Variants in ANK3 observed in about 807,000 individuals in gnomAD.
The protein encoded by ANK3 is ankyrin-3.
ANK3 carries 57 observed loss-of-function variants against 370.9 expected under a neutral mutation model. The observed-to-expected ratio is 0.15, with a 90% CI of 0.12 to 0.19. The LOEUF (loss-of-function observed/expected upper bound fraction) is 0.19, where lower values mean the gene tolerates loss of function less well. Ranked by LOEUF, ANK3 falls within the 10% of genes least tolerant of loss-of-function variation. ANK3 has a pLI of 1.00. For missense variants in ANK3, 4,439 were observed against 5,302.1 expected (o/e 0.84, Z 5.06); for synonymous variants, 1,929 against 1,946.3 (o/e 0.99, Z 0.23).
At chr10:60,718,360 T>C (rs1379915668) in intron 1 of ANK3, among the ~76,000 whole-genome samples, 1 of 152,134 alleles carries the variant, frequency 6.6e-6, no homozygotes, top group Non-Finnish European at 1.5e-5. Context: ...CATTTAAACT[T>C]TACAGGCAAA....
At position 60,268,759 on chromosome 10, in the gene ANK3, CA is replaced by C. The variant is rs201519637; in HGVS notation, c.513+1371del. 4.8e-3 allele frequency among the ~76,000 whole-genome samples: 732 copies of C among 152,158 alleles called. 8 individuals are homozygous for C. The highest frequency in any genetic ancestry group is 0.03 in the East Asian group (157 of 5,182). Reference sequence around the variant, plus strand: ...TGTTCTGTAAAAGTGTTGTAACCAACAATCAATTTCACCAGTATTGTAGGAA... The same window carrying C: ...TGTTCTGTAAAAGTGTTGTAACCAACATCAATTTCACCAGTATTGTAGGAA... On this transcript the variant is annotated intron_variant, in intron 5 of 43. Transcript: ENST00000280772.
intron 2 of ANK3, among the ~76,000 whole-genome samples, chr10:60,550,940 T>C (rs895588672): frequency 6.6e-6 from 1 of 152,104 alleles, no homozygotes; most frequent in Non-Finnish European, 1.5e-5. Flanking sequence ...GAGGCTTCCA[T>C]CACTTCAATA....
intron 7 of ANK3, among the ~76,000 whole-genome samples, chr10:60,241,681 A>G (rs756295160): frequency 1.1e-4 from 16 of 152,098 alleles, no homozygotes; most frequent in Non-Finnish European, 1.6e-4. Flanking sequence ...CTTTCCCATC[A>G]AACTACTCAA....
At chr10:60,108,245 C>A in intron 27 of ANK3, 1 of 434,506 alleles carries the variant, frequency 2.3e-6, no homozygotes. Context: ...CAAGCTCTCA[C>A]CCTCATTTAC....
At chr10:60,293,482 G>A (rs895663315) in intron 1 of ANK3, among the ~76,000 whole-genome samples, 3 of 152,142 alleles carry the variant, frequency 2.0e-5, no homozygotes, top group African/African-American at 4.8e-5. Context: ...AGTGGTCACC[G>A]TATCATCTCT....
chr10:60,611,318 G>T (rs74155621), intron 2 of ANK3, among the ~76,000 whole-genome samples: 2,305 of 152,186 alleles, frequency 0.015, 62 homozygotes, highest in African/African-American at 0.053. Flanking sequence ...ACACCTGGCC[G>T]CCCGCTGGCT....
At chr10:60,122,893 A>G (rs1275251656) in intron 25 of ANK3, among the ~76,000 whole-genome samples, 2 of 152,212 alleles carry the variant, frequency 1.3e-5, no homozygotes, top group African/African-American at 2.4e-5. Context: ...CCATTCAAGA[A>G]TGCATCTTAT....
chr10:60,055,605 AG>A, intron 42 of ANK3, 52 bp downstream of exon 42: 1 of 1,527,096 alleles, frequency 6.5e-7, no homozygotes, highest in South Asian at 1.3e-5. Flanking sequence ...AAAGAAGTAA[AG>A]CACCGATACT....
chr10:60,399,733 T>C (rs2063316872), intron 2 of ANK3, among the ~76,000 whole-genome samples: 2 of 152,200 alleles, frequency 1.3e-5, no homozygotes, highest in South Asian at 4.1e-4. Flanking sequence ...AATCAGTATC[T>C]AGGTTTTGCT....
Position 60,280,443 on chromosome 10 carries a change from GAGC to G in ANK3, c.115-807_115-805del, listed in dbSNP as rs531730283. On this transcript the variant is annotated intron_variant, in intron 1 of 43. Transcript: ENST00000280772. The stretch of plus-strand genomic sequence containing the variant: ...TCCTACAGTACATAGCCATATGTAG[GAGC>G]AGCAGCAGAAAGAAATACATATACA... 4.3e-4 allele frequency among the ~76,000 whole-genome samples: 65 copies of G among 152,280 alleles called. 1 individual carries two copies. The highest frequency in any genetic ancestry group is 3.5e-3 in the South Asian group (17 of 4,822).
chr10:60,035,315 C>G (rs1442544621), intron 43 of ANK3, among the ~76,000 whole-genome samples: 1 of 152,068 alleles, frequency 6.6e-6, no homozygotes, highest in Admixed American at 6.5e-5. Flanking sequence ...GTGGTACGAT[C>G]TTGGCTTGCT....
At chr10:60,150,273 G>T (rs189546078) in intron 23 of ANK3, among the ~76,000 whole-genome samples, 1 of 152,170 alleles carries the variant, frequency 6.6e-6, no homozygotes, top group East Asian at 1.9e-4. Flanking sequence ...TTCTGTGGGG[G>T]CCTGTGCTTT....
At chr10:60,358,291 T>C (rs1011715541) in intron 1 of ANK3, among the ~76,000 whole-genome samples, 2 of 152,196 alleles carry the variant, frequency 1.3e-5, no homozygotes, top group African/African-American at 4.8e-5. Context: ...ACCTACATCT[T>C]ACAAAGCCAT....
In ANK3 at chr10:60,669,303, A is replaced by G. The variant is rs527456195; in HGVS notation, c.58-54079T>C. The stretch of plus-strand genomic sequence containing the variant: ...AAACTTTTCTTTTGTTCCAAAAGCT[A>G]TTTTTCAAATGCATTCTAGCTGGCA... On this transcript the variant is annotated intron_variant, in intron 1 of 43. Transcript: ENST00000373827. 8.5e-5 allele frequency among the ~76,000 whole-genome samples: 13 copies of G among 152,234 alleles called. 1 individual carries two copies. The highest frequency in any genetic ancestry group is 6.5e-4 in the Admixed American group (10 of 15,294).
intron 4 of ANK3, among the ~76,000 whole-genome samples, chr10:60,275,231 G>A (rs1258942833): frequency 2.6e-5 from 4 of 152,206 alleles, no homozygotes; most frequent in African/African-American, 9.6e-5. Flanking sequence ...GATGGAACGA[G>A]TATGCTGTTT....
chr10:60,268,599 AT>A (rs1378590042), intron 5 of ANK3, among the ~76,000 whole-genome samples: 2 of 151,934 alleles, frequency 1.3e-5, no homozygotes, highest in Non-Finnish European at 2.9e-5. Flanking sequence ...CCTTTATACT[AT>A]TTTTGCATCC....
At chr10:60,262,949 C>T (rs946989882) in intron 6 of ANK3, among the ~76,000 whole-genome samples, 11 of 152,184 alleles carry the variant, frequency 7.2e-5, no homozygotes, top group African/African-American at 1.7e-4. Flanking sequence ...AATCAAACTA[C>T]TGCTATCTTA....
chr10:60,507,400 A>G (rs1365050871), intron 2 of ANK3: 2 of 152,118 alleles, frequency 1.3e-5, no homozygotes, highest in Non-Finnish European at 2.9e-5. Flanking sequence ...GAGCCACTCA[A>G]ATAAAATTTC....
chr10:60,370,431 G>A (rs930770475), intron 1 of ANK3, among the ~76,000 whole-genome samples: 4 of 152,032 alleles, frequency 2.6e-5, no homozygotes, highest in Admixed American at 6.6e-5. Context: ...GCTATGAATA[G>A]CATTGAAAAA....
Sources: gnomAD v4.1 joint callset for allele counts (sites outside exome capture counted in the v4.1 genomes callset) on GRCh38, gnomAD v4.1.1 for gene constraint, MANE v1.5 for transcripts, NCBI Gene and HGNC (gene_info 2026-07-23, HGNC 2026-07-21) for gene names.